Variants in HAPSTR1 observed in about 807,000 individuals in gnomAD.
HAPSTR1 encodes HUWE1-associated protein modifying stress responses 1.
At chr16:9,100,557 A>G in the HAPSTR1 span, among the ~76,000 whole-genome samples, 1 of 150,682 alleles carries the variant, frequency 6.6e-6, no homozygotes, top group African/African-American at 2.4e-5. Flanking sequence ...TTTTTGAGAG[A>G]GAGTCTTACT....
chr16:9,095,755 T>C, the HAPSTR1 span, among the ~76,000 whole-genome samples: 1 of 152,070 alleles, frequency 6.6e-6, no homozygotes, highest in Non-Finnish European at 1.5e-5. Flanking sequence ...TGGAAGATAA[T>C]GTAAATGTAA....
At chr16:9,117,042 G>A in the HAPSTR1 span, 1 of 1,371,452 alleles carries the variant, frequency 7.3e-7, no homozygotes, top group Admixed American at 2.5e-5. Context: ...TTCTATAGTG[G>A]TTGCCATAAA....
At chr16:9,120,709 ACT>A in the HAPSTR1 span, 1 of 110,424 alleles carries the variant, frequency 9.1e-6, no homozygotes, top group African/African-American at 3.9e-5. Flanking sequence ...ATGGAGTTTC[ACT>A]CTCTCACCCA....
At chr16:9,094,954 T>G in the HAPSTR1 span, among the ~76,000 whole-genome samples, 1 of 152,246 alleles carries the variant, frequency 6.6e-6, no homozygotes, top group African/African-American at 2.4e-5. Flanking sequence ...GGTTCAGCAG[T>G]TGAACTCTGA....
chr16:9,115,548 G>T, the HAPSTR1 span, among the ~76,000 whole-genome samples: 1 of 152,130 alleles, frequency 6.6e-6, no homozygotes, highest in Non-Finnish European at 1.5e-5. Flanking sequence ...TGTAAGTTTG[G>T]CTCTTTAACT....
chr16:9,094,892 T>C, the HAPSTR1 span, among the ~76,000 whole-genome samples: 1 of 152,252 alleles, frequency 6.6e-6, no homozygotes. Context: ...TGTGTCCCTT[T>C]AGGACTAACC....
chr16:9,104,419 G>A, the HAPSTR1 span: 1 of 152,174 alleles, frequency 6.6e-6, no homozygotes, highest in Non-Finnish European at 1.5e-5. Context: ...CTTGTTGAAA[G>A]TTAACATTTT....
At chr16:9,095,222 T>G in the HAPSTR1 span, among the ~76,000 whole-genome samples, 2 of 152,192 alleles carry the variant, frequency 1.3e-5, no homozygotes, top group Non-Finnish European at 2.9e-5. Flanking sequence ...GTTTTCTTAT[T>G]TGATTCAAGG....
At chr16:9,103,435 A>G in the HAPSTR1 span, 3 of 636,354 alleles carry the variant, frequency 4.7e-6, no homozygotes, top group African/African-American at 3.7e-5. Flanking sequence ...GATTTCTGTC[A>G]GCTAACCTAT....
the HAPSTR1 span, chr16:9,109,618 G>A: frequency 6.6e-6 from 1 of 152,128 alleles, no homozygotes; most frequent in Non-Finnish European, 1.5e-5. Flanking sequence ...GCAGGGTCTG[G>A]TGTCATAATA....
chr16:9,116,468 T>C, the HAPSTR1 span, among the ~76,000 whole-genome samples: 2 of 152,220 alleles, frequency 1.3e-5, no homozygotes, highest in Non-Finnish European at 2.9e-5. Context: ...ATTGTAGATA[T>C]TGGTAGTATT....
At chr16:9,096,179 A>G in the HAPSTR1 span, among the ~76,000 whole-genome samples, 1 of 152,192 alleles carries the variant, frequency 6.6e-6, no homozygotes, top group African/African-American at 2.4e-5. Context: ...AATAGGGATA[A>G]CTACCACAGA....
At chr16:9,092,398 C>T in the HAPSTR1 span, 2 of 812,508 alleles carry the variant, frequency 2.5e-6, no homozygotes, top group East Asian at 8.3e-5. Context: ...CGGCCGGTGG[C>T]TCCGCGGCCC....
At chr16:9,114,221 T>C in the HAPSTR1 span, among the ~76,000 whole-genome samples, 1 of 152,112 alleles carries the variant, frequency 6.6e-6, no homozygotes, top group African/African-American at 2.4e-5. Flanking sequence ...GTTAGAAATC[T>C]GGGAGGGCCG....
the HAPSTR1 span, among the ~76,000 whole-genome samples, chr16:9,092,749 C>T: frequency 5.3e-5 from 8 of 152,198 alleles, no homozygotes; most frequent in Non-Finnish European, 7.4e-5. Flanking sequence ...CCTGCCCCCC[C>T]GGTCCTCACA....
At chr16:9,121,553 C>A in the HAPSTR1 span, 9 of 148,016 alleles carry the variant, frequency 6.1e-5, no homozygotes, top group Admixed American at 6.2e-4. Context: ...GGTCTGGGAA[C>A]CTAGGTAAGT....
the HAPSTR1 span, chr16:9,092,140 C>T: frequency 3.9e-6 from 6 of 1,556,694 alleles, no homozygotes; most frequent in African/African-American, 4.1e-5. Context: ...TGGCCGAGGC[C>T]GAACAGGACG....
At chr16:9,091,940 C>A in the HAPSTR1 span, 4 of 996,672 alleles carry the variant, frequency 4.0e-6, no homozygotes, top group South Asian at 7.9e-5. Context: ...CGCCGTCGGT[C>A]GCCAGGCCCT....
the HAPSTR1 span, among the ~76,000 whole-genome samples, chr16:9,097,898 C>G: frequency 5.9e-5 from 9 of 152,210 alleles, no homozygotes; most frequent in African/African-American, 1.9e-4. Flanking sequence ...GAGTTGAGAG[C>G]TAAGCCACAA....
Sources: gnomAD v4.1 joint callset for allele counts (sites outside exome capture counted in the v4.1 genomes callset) on GRCh38, gnomAD v4.1.1 for gene constraint, MANE v1.5 for transcripts, NCBI Gene and HGNC (gene_info 2026-07-23, HGNC 2026-07-21) for gene names.